Variants in SLC23A1 observed in about 807,000 individuals in gnomAD.
SLC23A1 encodes the protein solute carrier family 23 member 1.
Under a neutral mutation model 62.5 loss-of-function variants are expected in SLC23A1, and 31 were observed. The observed-to-expected ratio is 0.50, with a 90% CI of 0.37 to 0.67. The LOEUF is 0.67. Ranked by LOEUF, SLC23A1 falls within the 30% of genes least tolerant of loss-of-function variation. The pLI is 0.00. For synonymous variants in SLC23A1, 271 were observed against 313.2 expected (o/e 0.87, Z 1.42); for missense variants, 640 against 782.7 (o/e 0.82, Z 2.18).
Position 139,380,803 on chromosome 5 carries a change from G to T in SLC23A1, c.392C>A (p.Pro131Gln). The change falls in exon 4 of 15, where the codon CCG (proline) becomes CAG (glutamine). Residue 131 changes from proline to glutamine, a missense_variant. Physicochemically the swap from Pro to Gln is moderately conservative, Grantham distance 76. Transcript: ENST00000348729. ...GACCCCAGAAGTGTACCCACCTTCC[G>T]GGGGGCATTTCCATCTCTCCAGAGC... is the stretch of plus-strand genomic sequence containing the variant. ...ILALERWKCP[P>Q]EEEIYGNWSL... The T allele has an allele frequency of 6.4e-7, 1 of 1,563,614 alleles. No homozygotes were observed. The highest frequency in any genetic ancestry group is 8.7e-7 in the Non-Finnish European group (1 of 1,149,566).
At chr5:139,374,338 C>G (rs1394494250) in intron 13 of SLC23A1, among the ~76,000 whole-genome samples, 3 of 152,190 alleles carry the variant, frequency 2.0e-5, no homozygotes, top group Admixed American at 2.0e-4. Context: ...GTCCCAGCTA[C>G]TCGGGAGGCT....
rs748963937 is a variant in SLC23A1, at chr5:139,377,419, A to C, written c.1532T>G (p.Leu511Arg). Reference sequence around the variant, plus strand: ...AACCATACCTGGCACTGTGTTGTCAAGTATGAAAGCAAGGCACCCGCCCAC... The same window carrying C: ...AACCATACCTGGCACTGTGTTGTCACGTATGAAAGCAAGGCACCCGCCCAC... ...MFVGGCLAFI[L>R]DNTVPGSPEE... Residue 511 changes from leucine to arginine, a missense_variant, in exon 13 of 15, where the codon CTT (leucine) becomes CGT (arginine). By Grantham distance (102) the Leu-to-Arg change is moderately radical. Transcript: ENST00000348729. 1 of 1,597,172 alleles carries C rather than the reference A, an allele frequency of 6.3e-7. No homozygotes were observed. The highest frequency in any genetic ancestry group is 2.2e-5 in the East Asian group (1 of 44,806).
rs1758206851 is a variant in SLC23A1, at chr5:139,380,648, G to A, written c.398-16C>T. The stretch of plus-strand genomic sequence containing the variant: ...TAGATCTCCTCTGGGGGTAGAGTCA[G>A]GGATACACACACGGACCAGGTACAG... On this transcript the variant is annotated splice_polypyrimidine_tract_variant and intron_variant, in intron 4 of 14. Coordinates refer to ENST00000348729, the MANE Select transcript of SLC23A1 (RefSeq NM_005847.5). The A allele has an allele frequency of 1.5e-5, 24 of 1,597,576 alleles. No individual in the cohort carries two copies. The highest frequency in any genetic ancestry group is 2.1e-5 in the Non-Finnish European group (24 of 1,164,868).
intron 14 of SLC23A1, chr5:139,368,890 T>C (rs773301837): frequency 9.5e-6 from 9 of 947,718 alleles, no homozygotes; most frequent in African/African-American, 1.7e-5. Context: ...CTCTTGTCAC[T>C]GTGTTACACT....
At position 139,372,087 on chromosome 5, in the gene SLC23A1, A is replaced by G; in HGVS notation, c.1716T>C (p.Ser572=). 6.2e-7 allele frequency: 1 copy of G among 1,613,320 alleles called. No individual in the cohort carries two copies. Among genetic ancestry groups the G allele is most frequent in the Non-Finnish European group, 8.5e-7 (1 of 1,179,178 alleles). The change falls in exon 14 of 15, where the codon TCT becomes TCC. Residue 572 remains serine, a synonymous_variant. Transcript: ENST00000348729. ...TTGCAATCTGATCTTTTGAACTTGAAGAAAATCCTTTGAAGACTGGGCAGA... is the reference window on the plus strand; with the variant it reads ...TTGCAATCTGATCTTTTGAACTTGAGGAAAATCCTTTGAAGACTGGGCAGA... The part of the protein sequence containing the change: ...IPICPVFKGF[S]SSSKDQIAIP...
In SLC23A1 at chr5:139,379,923, A is replaced by G; in HGVS notation, c.768+33T>C. The G allele has an allele frequency of 6.2e-7, 1 of 1,614,106 alleles. No homozygotes were observed. The highest frequency in any genetic ancestry group is 8.5e-7 in the Non-Finnish European group (1 of 1,179,990). On this transcript the variant is annotated intron_variant, in intron 7 of 14. Transcript: ENST00000348729. This position sits in a 1 kb window ranked among gnomAD's most constrained non-coding sequence, Gnocchi z 4.7. ...CCACCTCAGCCCAAGCCCTGGCCAT[A>G]GTCCCAGCCCCAGCCGCCTGCCAGG...
rs963353778 is a variant in SLC23A1 at position 139,378,428 on chromosome 5, A to G, written c.1180-77T>C. On this transcript the variant is annotated intron_variant, in intron 10 of 14. Transcript: ENST00000348729. This position sits in a 1 kb window ranked among gnomAD's most constrained non-coding sequence, Gnocchi z 4.5. ...GTTAGTTCCAGGGGCGGGGCCTGTT[A>G]TAAGAGCGAGGCATAAACCGGCTGG... 3 of 1,513,016 alleles carry G rather than the reference A, an allele frequency of 2.0e-6. No homozygotes were observed. Among genetic ancestry groups the G allele is most frequent in the African/African-American group, 1.4e-5 (1 of 72,296 alleles). The allele number at this position is 1,513,016 out of a possible 1,614,324, so 93.7% of individuals were successfully genotyped here.
intron 2 of SLC23A1, 92 bp from the exon 3 acceptor site, chr5:139,382,141 G>T: frequency 7.4e-7 from 1 of 1,348,916 alleles, no homozygotes; most frequent in Non-Finnish European, 1.0e-6. Context: ...TGCCTCAGCG[G>T]GCCTGGAACC....
chr5:139,378,569 G>T lies in SLC23A1; in HGVS notation c.1179+10C>A, dbSNP rs914262529. 2 of 1,576,834 alleles carry T rather than the reference G, an allele frequency of 1.3e-6. No homozygotes were observed. Among genetic ancestry groups the T allele is most frequent in the East Asian group, 2.3e-5 (1 of 42,904 alleles). The stretch of plus-strand genomic sequence containing the variant: ...TTAGGGCAGGATTTGGCTCTGGCTC[G>T]TCGCGACACCTTGGTAATTCCCAGG... On this transcript the variant is annotated intron_variant, in intron 10 of 14. Coordinates refer to ENST00000348729, the MANE Select transcript of SLC23A1 (RefSeq NM_005847.5). This position sits in a 1 kb window ranked among gnomAD's most constrained non-coding sequence, Gnocchi z 4.5.
intron 3 of SLC23A1, among the ~76,000 whole-genome samples, chr5:139,381,502 G>T (rs143750621): frequency 6.6e-6 from 1 of 151,796 alleles, no homozygotes; most frequent in East Asian, 1.9e-4. Flanking sequence ...GCTAAGGTGG[G>T]AGAATCGCTT....
chr5:139,377,105 C>T (rs1315327677), intron 13 of SLC23A1, among the ~76,000 whole-genome samples: 1 of 149,974 alleles, frequency 6.7e-6, no homozygotes, highest in Non-Finnish European at 1.5e-5. Context: ...GGTGACAGGG[C>T]GAGACTCCAT....
At chr5:139,384,639 C>T (rs1284586616), upstream of SLC23A1, 2 of 1,228,658 alleles carry the variant, frequency 1.6e-6, no homozygotes, top group Non-Finnish European at 2.1e-6. Context: ...AGCCCGACCC[C>T]CTGCAGATAC....
Position 139,379,966 on chromosome 5 carries a change from T to C in SLC23A1, c.758A>G (p.Lys253Arg), listed in dbSNP as rs1220762074. Reference protein sequence around the residue: ...GLTLLRIQIFKMFPIMLAIMT... With the variant: ...GLTLLRIQIFRMFPIMLAIMT... ...CTGCCAGGTCCTCACAGGAAACATT[T>C]TGAAGATCTGGATGCGGAGGAGAGT... The change falls in exon 7 of 15, where the codon AAA becomes AGA. Residue 253 changes from lysine to arginine, a missense_variant. Coordinates refer to ENST00000348729, the MANE Select transcript of SLC23A1 (RefSeq NM_005847.5). This position sits in a 1 kb window ranked among gnomAD's most constrained non-coding sequence, Gnocchi z 4.7. 6.2e-7 allele frequency: 1 copy of C among 1,613,980 alleles called. No homozygotes were observed. Among genetic ancestry groups the C allele is most frequent in the South Asian group, 1.1e-5 (1 of 91,074 alleles).
At chr5:139,368,564 T>C (rs1294039184) in intron 14 of SLC23A1, among the ~76,000 whole-genome samples, 2 of 151,560 alleles carry the variant, frequency 1.3e-5, no homozygotes, top group Admixed American at 6.6e-5. Flanking sequence ...TAATTTAATA[T>C]GATATATAGC....
intron 3 of SLC23A1, 95 bp downstream of exon 3, chr5:139,381,797 G>A (rs927509621): frequency 1.9e-6 from 2 of 1,052,194 alleles, no homozygotes; most frequent in East Asian, 2.6e-5. Context: ...CGGCTTTTTT[G>A]TCTCACCAGT....
At chr5:139,377,870 G>T in intron 12 of SLC23A1, 105 bp downstream of exon 12, 1 of 1,135,700 alleles carries the variant, frequency 8.8e-7, no homozygotes, top group Non-Finnish European at 1.3e-6. Context: ...ACCCAGAGTT[G>T]GGTACGATTT....
rs1413582843 is a variant in SLC23A1, at chr5:139,380,055, G to A, written c.669C>T (p.Leu223=). Residue 223 remains leucine, a synonymous_variant, in exon 7 of 15, where the codon CTC becomes CTT. Transcript: ENST00000348729. The part of the protein sequence containing the change: ...ISACSILLII[L]FSQYLRNLTF... Reference sequence around the variant, plus strand: ...TGAGGTTGCGCAGGTACTGGGAGAAGAGGATGATCAGGAGAATGGAGCTGG... The same window carrying A: ...TGAGGTTGCGCAGGTACTGGGAGAAAAGGATGATCAGGAGAATGGAGCTGG... The A allele has an allele frequency of 1.9e-6, 3 of 1,612,994 alleles. No individual in the cohort carries two copies. The highest frequency in any genetic ancestry group is 8.5e-7 in the Non-Finnish European group (1 of 1,179,492).
chr5:139,379,436 G>C lies in SLC23A1; in HGVS notation c.926-82C>G. The C allele has an allele frequency of 7.1e-7, 1 of 1,412,106 alleles. No homozygotes were observed. The highest frequency in any genetic ancestry group is 1.0e-6 in the Non-Finnish European group (1 of 1,003,892). The allele number at this position is 1,412,106 out of a possible 1,614,324, so 87.5% of individuals were successfully genotyped here. A position where few individuals can be genotyped will look rare whatever the true frequency, so the allele number is the denominator to read the frequency against. ...AATAGACAGGGCAGTGCTGGAAGGA[G>C]CAAGAGCAGATCAGGAGACCTCAGG... On this transcript the variant is annotated intron_variant, in intron 8 of 14. Transcript: ENST00000348729. This position sits in a 1 kb window ranked among gnomAD's most constrained non-coding sequence, Gnocchi z 4.7.
Position 139,380,017 on chromosome 5 carries a change from G to C in SLC23A1, c.707C>G (p.Pro236Arg). The change falls in exon 7 of 15, where the codon CCT becomes CGT. Residue 236 changes from proline to arginine, a missense_variant. Coordinates refer to ENST00000348729, the MANE Select transcript of SLC23A1 (RefSeq NM_005847.5). ...QYLRNLTFLL[P>R]VYRWGKGLTL... ...GAGGCCCTTGCCCCAGCGGTAGACA[G>C]GCAGCAGGAAGGTGAGGTTGCGCAG... 1 of 1,614,136 alleles carries C rather than the reference G, an allele frequency of 6.2e-7. No homozygotes were observed. The highest frequency in any genetic ancestry group is 8.5e-7 in the Non-Finnish European group (1 of 1,180,026).
Sources: gnomAD v4.1 joint callset for allele counts (sites outside exome capture counted in the v4.1 genomes callset) on GRCh38, gnomAD v4.1.1 for gene constraint, Gnocchi (gnomAD v3.1) non-coding constraint, MANE v1.5 for transcripts, NCBI Gene and HGNC (gene_info 2026-07-23, HGNC 2026-07-21) for gene names.